PLD5: variants seen among roughly 807,000 people sequenced by gnomAD.
PLD5 encodes phospholipase D family member 5.
In PLD5, 36 loss-of-function variants were observed where a neutral mutation model predicts 61.1. The observed-to-expected ratio is 0.59, with a 90% confidence interval of 0.45 to 0.78. The LOEUF is 0.78. Ranked by LOEUF, PLD5 falls within the 30% of genes least tolerant of loss-of-function variation. The pLI is 0.00. For missense variants in PLD5, 515 were observed against 644.4 expected (o/e 0.80, Z 2.17); for synonymous variants, 243 against 242.8 (o/e 1.00, Z -0.01).
At chr1:242,432,845 G>A (rs1053969393) in intron 1 of PLD5, among the ~76,000 whole-genome samples, 1 of 152,120 alleles carries the variant, frequency 6.6e-6, no homozygotes, top group Non-Finnish European at 1.5e-5. Flanking sequence ...AGAGACAAAA[G>A]GCAGACTTTC....
intron 4 of PLD5, among the ~76,000 whole-genome samples, chr1:242,251,180 A>G (rs562299384): frequency 3.5e-4 from 53 of 152,338 alleles, no homozygotes; most frequent in African/African-American, 1.3e-3. Flanking sequence ...CCTGGAACTT[A>G]GGAAAAACAA....
At chr1:242,167,334 G>A (rs1666396393) in intron 5 of PLD5, among the ~76,000 whole-genome samples, 1 of 152,110 alleles carries the variant, frequency 6.6e-6, no homozygotes, top group Non-Finnish European at 1.5e-5. Flanking sequence ...ATCATGGCAG[G>A]GAGTGAAGGA....
At chr1:242,444,626 A>T (rs1196569312) in intron 1 of PLD5, among the ~76,000 whole-genome samples, 1 of 2,916 alleles carries the variant, frequency 3.4e-4, no homozygotes, top group Non-Finnish European at 6.3e-4. Context: ...CAAATAATAT[A>T]TATATTATAT....
chr1:242,416,810 C>T (rs925720222), intron 1 of PLD5, among the ~76,000 whole-genome samples: 1 of 152,224 alleles, frequency 6.6e-6, no homozygotes, highest in Non-Finnish European at 1.5e-5. Flanking sequence ...CCTTGGTGAA[C>T]AGTTTGCTCT....
At chr1:242,148,945 C>G (rs1220572382) in intron 5 of PLD5, among the ~76,000 whole-genome samples, 1 of 143,216 alleles carries the variant, frequency 7.0e-6, no homozygotes, top group Non-Finnish European at 1.5e-5. Flanking sequence ...TTTACATAAT[C>G]ATGTCATCTG....
intron 1 of PLD5, among the ~76,000 whole-genome samples, chr1:242,520,014 C>T (rs866969814): frequency 1.3e-5 from 2 of 152,190 alleles, no homozygotes; most frequent in Non-Finnish European, 2.9e-5. Flanking sequence ...TTGTATGCTG[C>T]AGCAGTCTTG....
chr1:242,387,438 T>C (rs867401214), intron 1 of PLD5, among the ~76,000 whole-genome samples: 19 of 152,152 alleles, frequency 1.2e-4, no homozygotes, highest in South Asian at 4.1e-4. Flanking sequence ...TCTGGAAGCA[T>C]AGAAGCACAG....
intron 1 of PLD5, among the ~76,000 whole-genome samples, chr1:242,402,843 C>G (rs929410390): frequency 2.0e-5 from 3 of 152,036 alleles, no homozygotes; most frequent in Non-Finnish European, 4.4e-5. Context: ...AACTAAAAAG[C>G]TTATAATAAT....
At chr1:242,179,155 T>C (rs1667359357) in intron 5 of PLD5, among the ~76,000 whole-genome samples, 1 of 152,180 alleles carries the variant, frequency 6.6e-6, no homozygotes, top group Non-Finnish European at 1.5e-5. Context: ...CCTTCTCTCC[T>C]GGAGACTTTT....
intron 1 of PLD5, among the ~76,000 whole-genome samples, chr1:242,498,204 C>T (rs988877322): frequency 1.3e-5 from 2 of 152,210 alleles, no homozygotes; most frequent in Admixed American, 1.3e-4. Flanking sequence ...ACCTCGTGAT[C>T]CGCCCACCTT....
At chr1:242,111,964 T>G (rs188961839) in intron 7 of PLD5, among the ~76,000 whole-genome samples, 113 of 152,320 alleles carry the variant, frequency 7.4e-4, no homozygotes, top group African/African-American at 1.5e-3. Context: ...AGATCCTCCG[T>G]GCTAATTATT....
chr1:242,512,226 A>C (rs919807012), intron 1 of PLD5, among the ~76,000 whole-genome samples: 1 of 151,242 alleles, frequency 6.6e-6, no homozygotes, highest in African/African-American at 2.4e-5. Context: ...CCTGGCTAAC[A>C]CGGTGAAACC....
chr1:242,401,464 C>T (rs553524012), intron 1 of PLD5, among the ~76,000 whole-genome samples: 20 of 152,260 alleles, frequency 1.3e-4, no homozygotes, highest in Non-Finnish European at 2.5e-4. Flanking sequence ...GGATTAAACA[C>T]AGAATCCTTC....
intron 5 of PLD5, among the ~76,000 whole-genome samples, chr1:242,216,965 T>C (rs1670249774): frequency 6.6e-6 from 1 of 152,232 alleles, no homozygotes; most frequent in Non-Finnish European, 1.5e-5. Context: ...ACTCTGCCTG[T>C]GCTCTATAAA....
intron 5 of PLD5, among the ~76,000 whole-genome samples, chr1:242,167,383 G>C (rs1666402099): frequency 6.6e-6 from 1 of 152,202 alleles, no homozygotes; most frequent in Admixed American, 6.5e-5. Flanking sequence ...AGCCAAGAGA[G>C]AGCATGTGCG....
intron 3 of PLD5, among the ~76,000 whole-genome samples, chr1:242,269,875 T>G (rs2149110299): frequency 1.3e-5 from 2 of 152,236 alleles, no homozygotes; most frequent in African/African-American, 4.8e-5. Flanking sequence ...GCACTGCCGG[T>G]TCTCAATTCC....
At chr1:242,191,967 T>C (rs945445394) in intron 5 of PLD5, among the ~76,000 whole-genome samples, 4 of 152,168 alleles carry the variant, frequency 2.6e-5, no homozygotes, top group Admixed American at 1.3e-4. Flanking sequence ...CAGAAACAAC[T>C]GACTGGCTTG....
intron 4 of PLD5, among the ~76,000 whole-genome samples, chr1:242,231,691 C>G (rs1266215826): frequency 6.6e-6 from 1 of 152,092 alleles, no homozygotes; most frequent in Non-Finnish European, 1.5e-5. Context: ...AAGGATAAGG[C>G]AATGAGCTTA....
chr1:242,211,162 TAGA>T (rs1338120608), intron 5 of PLD5, among the ~76,000 whole-genome samples: 5 of 152,210 alleles, frequency 3.3e-5, no homozygotes, highest in Non-Finnish European at 5.9e-5. Flanking sequence ...AACCTTCTAT[TAGA>T]AGAAGATGCC....
Sources: gnomAD v4.1 joint callset for allele counts (sites outside exome capture counted in the v4.1 genomes callset) on GRCh38, gnomAD v4.1.1 for gene constraint, MANE v1.5 for transcripts, NCBI Gene and HGNC (gene_info 2026-07-23, HGNC 2026-07-21) for gene names.